SNHG17: variants seen among roughly 807,000 people sequenced by gnomAD.
SNHG17 encodes the protein small nucleolar RNA host gene 17, also known as small nucleolar RNA host gene 17 (non-protein coding).
chr20:38,427,568 AACC>A (rs2084271352), intron 3 of SNHG17: 1 of 255,832 alleles, frequency 3.9e-6, no homozygotes, highest in Non-Finnish European at 8.1e-6. Flanking sequence ...CATAAAACCT[AACC>A]ACCAAGGGGA....
chr20:38,433,956 T>C (rs755396574), intron 2 of SNHG17: 4 of 519,090 alleles, frequency 7.7e-6, no homozygotes, highest in African/African-American at 5.8e-5. Flanking sequence ...GCACTATCAA[T>C]GACCAGGGCA....
chr20:38,431,285 G>A (rs1346526262), intron 2 of SNHG17, among the ~76,000 whole-genome samples: 1 of 152,214 alleles, frequency 6.6e-6, no homozygotes, highest in Non-Finnish European at 1.5e-5. Context: ...AGTCCCCTGA[G>A]GTCATCCCGT....
intron 5 of SNHG17, among the ~76,000 whole-genome samples, chr20:38,423,954 A>G (rs954212913): frequency 6.6e-6 from 1 of 152,156 alleles, no homozygotes; most frequent in East Asian, 1.9e-4. Flanking sequence ...TTTGTATCAC[A>G]TAAGGCCAGG....
intron 1 of SNHG17, chr20:38,434,636 G>GAA (rs1445106441): frequency 5.8e-6 from 1 of 173,468 alleles, no homozygotes; most frequent in Non-Finnish European, 1.1e-5. Context: ...CCTAGGCAAG[G>GAA]AAAAAGCACG....
intron 3 of SNHG17, chr20:38,427,793 C>T (rs907865619): frequency 6.4e-6 from 1 of 156,130 alleles, no homozygotes; most frequent in African/African-American, 2.4e-5. Flanking sequence ...TGATCAGAAC[C>T]GTTCACTGGA....
At chr20:38,434,202 T>TCGG (rs2084390547) in intron 2 of SNHG17, among the ~76,000 whole-genome samples, 1 of 151,430 alleles carries the variant, frequency 6.6e-6, no homozygotes, top group Non-Finnish European at 1.5e-5. Context: ...GCCCACCAGT[T>TCGG]CTGAGTATCT....
chr20:38,430,584 T>C (rs972687257), intron 3 of SNHG17, among the ~76,000 whole-genome samples: 1 of 152,164 alleles, frequency 6.6e-6, no homozygotes, highest in Non-Finnish European at 1.5e-5. Flanking sequence ...ATCATGCCAT[T>C]GCACTCTAGC....
At chr20:38,423,381 A>C (rs2084191350) in intron 5 of SNHG17, among the ~76,000 whole-genome samples, 4 of 146,892 alleles carry the variant, frequency 2.7e-5, no homozygotes, top group Non-Finnish European at 6.0e-5. Flanking sequence ...TCCTGGGCTT[A>C]ACTTCAGCCT....
At chr20:38,430,403 G>A (rs1600765667) in intron 3 of SNHG17, among the ~76,000 whole-genome samples, 2 of 152,064 alleles carry the variant, frequency 1.3e-5, no homozygotes, top group East Asian at 3.9e-4. Flanking sequence ...GCCAAGGCGG[G>A]TGGATTGCCA....
At chr20:38,435,087 G>A (rs1207975303) in intron 1 of SNHG17, 4 of 1,231,996 alleles carry the variant, frequency 3.2e-6, no homozygotes, top group South Asian at 4.1e-5. Context: ...CAAAGAGGAC[G>A]AGACACTGCA....
At chr20:38,431,251 CT>C (rs1600767247) in intron 2 of SNHG17, 1 of 152,272 alleles carries the variant, frequency 6.6e-6, no homozygotes, top group African/African-American at 2.4e-5. Flanking sequence ...GACAGCTTGT[CT>C]AGCCCATCCT....
intron 3 of SNHG17, chr20:38,427,482 G>A (rs776028159): frequency 4.0e-6 from 2 of 496,596 alleles, no homozygotes; most frequent in East Asian, 1.1e-4. Context: ...CAGGAGGATG[G>A]TGCCAGGGCC....
intron 3 of SNHG17, chr20:38,428,305 G>C (rs2084283209): frequency 6.6e-6 from 1 of 152,170 alleles, no homozygotes; most frequent in African/African-American, 2.4e-5. Context: ...GCTTTCCCAG[G>C]GAAGAGGAGT....
chr20:38,431,713 G>A (rs967626907), intron 2 of SNHG17, among the ~76,000 whole-genome samples: 4 of 152,192 alleles, frequency 2.6e-5, no homozygotes, highest in South Asian at 2.1e-4. Flanking sequence ...GTGGTAAAGC[G>A]TTTGGGACCA....
At chr20:38,429,433 G>A (rs536453732) in intron 3 of SNHG17, 1 of 234,228 alleles carries the variant, frequency 4.3e-6, no homozygotes, top group Non-Finnish European at 8.4e-6. Flanking sequence ...TGCAGGGGCT[G>A]GATAAGGACG....
intron 5 of SNHG17, among the ~76,000 whole-genome samples, chr20:38,423,446 A>T (rs1158763886): frequency 6.8e-6 from 1 of 147,412 alleles, no homozygotes; most frequent in Non-Finnish European, 1.5e-5. Flanking sequence ...ATAGAGAAAG[A>T]TCCTGTCATT....
intron 5 of SNHG17, among the ~76,000 whole-genome samples, chr20:38,423,277 G>A (rs2084189398): frequency 6.6e-6 from 1 of 150,604 alleles, no homozygotes; most frequent in Non-Finnish European, 1.5e-5. Flanking sequence ...TGCACCTGCA[G>A]TCCCAGCTAC....
intron 2 of SNHG17, among the ~76,000 whole-genome samples, chr20:38,433,667 A>G (rs183661978): frequency 1.3e-5 from 2 of 152,340 alleles, no homozygotes; most frequent in Admixed American, 1.3e-4. Flanking sequence ...AGGCAAAGAC[A>G]ATCAAGCCAG....
At chr20:38,432,378 C>T (rs1264399181) in intron 2 of SNHG17, among the ~76,000 whole-genome samples, 2 of 152,092 alleles carry the variant, frequency 1.3e-5, no homozygotes, top group Non-Finnish European at 2.9e-5. Flanking sequence ...ACCAGCGTGG[C>T]GCAGTCTAGC....
Sources: allele counts gnomAD v4.1 joint callset (sites outside exome capture counted in the v4.1 genomes callset), GRCh38; gene constraint gnomAD v4.1.1; transcripts MANE v1.5; gene names NCBI Gene and HGNC (gene_info 2026-07-23, HGNC 2026-07-21).